Variants in PDE1C observed in about 807,000 individuals in gnomAD.
PDE1C encodes the protein phosphodiesterase 1C.
Under a neutral mutation model 93.1 loss-of-function variants are expected in PDE1C, and 62 were observed. The observed-to-expected ratio is 0.67, with a 90% CI of 0.54 to 0.82. PDE1C has a LOEUF of 0.82. Among genes scored for constraint, PDE1C ranks in the 40% least tolerant of loss-of-function variants. The probability of loss-of-function intolerance (pLI) is 0.00; values close to 1 mark genes in which losing one functional copy is unlikely to be tolerated. For missense variants in PDE1C, 742 were observed against 884.6 expected (o/e 0.84, Z 2.04); for synonymous variants, 325 against 310.1 (o/e 1.05, Z -0.50).
At chr7:31,895,988 C>CA (rs1411138784) in intron 2 of PDE1C, among the ~76,000 whole-genome samples, 2 of 36,244 alleles carry the variant, frequency 5.5e-5, no homozygotes, top group Admixed American at 4.2e-4. Context: ...AATACACTCT[C>CA]CCTTACATAC....
At chr7:32,202,826 G>C (rs933719196) in intron 2 of PDE1C, among the ~76,000 whole-genome samples, 2 of 151,980 alleles carry the variant, frequency 1.3e-5, no homozygotes, top group Admixed American at 6.6e-5. Context: ...TTGATTGGTT[G>C]GTTTTTGTGG....
At chr7:31,855,124 AG>A (rs541121320) in intron 7 of PDE1C, among the ~76,000 whole-genome samples, 5 of 151,616 alleles carry the variant, frequency 3.3e-5, no homozygotes, top group Non-Finnish European at 5.9e-5. Flanking sequence ...TCTGCCAGTC[AG>A]AAGCCCAGGC....
the PDE1C span, among the ~76,000 whole-genome samples, chr7:31,620,871 C>A: frequency 3.6e-4 from 54 of 151,980 alleles, no homozygotes; most frequent in East Asian, 7.8e-4. Context: ...AAAATTTAGA[C>A]GAATGTATAA....
At chr7:31,937,407 G>A (rs909977238) in intron 2 of PDE1C, among the ~76,000 whole-genome samples, 1 of 152,182 alleles carries the variant, frequency 6.6e-6, no homozygotes, top group Non-Finnish European at 1.5e-5. Context: ...CAAAAAGTCT[G>A]TTTTGTCAGT....
At chr7:32,341,665 C>T (rs115749782) in intron 1 of PDE1C, among the ~76,000 whole-genome samples, 2,080 of 152,126 alleles carry the variant, frequency 0.014, 49 homozygotes, top group African/African-American at 0.047. Context: ...TCTGAGTTTC[C>T]CAGGGCTGAA....
At chr7:31,831,675 A>G (rs1790431493) in intron 11 of PDE1C, among the ~76,000 whole-genome samples, 1 of 152,128 alleles carries the variant, frequency 6.6e-6, no homozygotes, top group Non-Finnish European at 1.5e-5. Context: ...TAACAATAAT[A>G]AAATAAAGTG....
intron 16 of PDE1C, among the ~76,000 whole-genome samples, chr7:31,794,823 C>T (rs564081480): frequency 1.1e-4 from 17 of 151,960 alleles, no homozygotes; most frequent in African/African-American, 3.4e-4. Context: ...AGCCCAGGAC[C>T]GTAAAGAAAG....
the PDE1C span, chr7:31,643,320 AC>A: frequency 6.2e-7 from 1 of 1,613,826 alleles, no homozygotes; most frequent in Non-Finnish European, 8.5e-7. Context: ...GTGAAATCAC[AC>A]CTTATGCAAC....
intron 1 of PDE1C, among the ~76,000 whole-genome samples, chr7:32,216,434 A>G (rs73106543): frequency 0.24 from 36,203 of 152,168 alleles, 5,360 homozygotes; most frequent in Admixed American, 0.4. Context: ...CCAATGAAAA[A>G]GCTGCTATCT....
intron 17 of PDE1C, among the ~76,000 whole-genome samples, chr7:31,774,524 T>G (rs10270275): frequency 1.3e-5 from 2 of 151,966 alleles, no homozygotes; most frequent in African/African-American, 4.8e-5. Flanking sequence ...GCAATCTTAC[T>G]TAGTGGAATC....
At chr7:31,720,111 C>T in the PDE1C span, among the ~76,000 whole-genome samples, 1 of 131,520 alleles carries the variant, frequency 7.6e-6, no homozygotes, top group African/African-American at 2.9e-5. Flanking sequence ...TGCAGTGAGC[C>T]GAGATTGCGC....
At chr7:32,173,891 G>A (rs900989421) in intron 2 of PDE1C, among the ~76,000 whole-genome samples, 1 of 152,170 alleles carries the variant, frequency 6.6e-6, no homozygotes, top group Admixed American at 6.5e-5. Context: ...GGACACCCAT[G>A]GGTCAGCAAA....
chr7:32,189,250 C>A (rs1022010389), intron 2 of PDE1C, among the ~76,000 whole-genome samples: 29 of 152,218 alleles, frequency 1.9e-4, no homozygotes, highest in African/African-American at 7.0e-4. Context: ...AGAACTTCAA[C>A]AGCATTCATT....
At chr7:32,271,488 T>A (rs1008666135) in intron 1 of PDE1C, among the ~76,000 whole-genome samples, 11 of 152,134 alleles carry the variant, frequency 7.2e-5, no homozygotes, top group Non-Finnish European at 1.6e-4. Context: ...AGGAACACGA[T>A]CATATCCAAA....
intron 1 of PDE1C, among the ~76,000 whole-genome samples, chr7:32,062,441 G>C (rs944547604): frequency 1.3e-4 from 20 of 152,140 alleles, no homozygotes; most frequent in African/African-American, 4.6e-4. Context: ...TTTCTCAGAG[G>C]GGCCATGCTC....
At chr7:32,379,201 A>C (rs1165808670) in intron 1 of PDE1C, among the ~76,000 whole-genome samples, 1 of 152,098 alleles carries the variant, frequency 6.6e-6, no homozygotes, top group African/African-American at 2.4e-5. Flanking sequence ...GTACTGTGAC[A>C]CCCTTGAGGG....
intron 1 of PDE1C, among the ~76,000 whole-genome samples, chr7:32,349,447 C>T (rs61245071): frequency 0.088 from 13,337 of 152,108 alleles, 675 homozygotes; most frequent in East Asian, 0.13. Flanking sequence ...CCTCTCTGGT[C>T]CTAAAAGGGA....
chr7:31,823,607 C>T (rs1789281433), intron 13 of PDE1C, among the ~76,000 whole-genome samples: 1 of 152,078 alleles, frequency 6.6e-6, no homozygotes, highest in Admixed American at 6.6e-5. Flanking sequence ...CCACAGTTCA[C>T]CTACCTGCTT....
chr7:31,628,356 C>G, the PDE1C span, among the ~76,000 whole-genome samples: 3 of 152,090 alleles, frequency 2.0e-5, no homozygotes, highest in Non-Finnish European at 2.9e-5. Context: ...AACGACTGGT[C>G]TCCCTGAGAA....
Sources: gnomAD v4.1 joint callset for allele counts (sites outside exome capture counted in the v4.1 genomes callset) on GRCh38, gnomAD v4.1.1 for gene constraint, MANE v1.5 for transcripts, NCBI Gene and HGNC (gene_info 2026-07-23, HGNC 2026-07-21) for gene names.